The following HTR3E variants were observed in gnomAD, a reference collection of about 807,000 sequenced individuals.
The protein encoded by HTR3E is 5-hydroxytryptamine (serotonin) receptor 3, family member E.
In HTR3E, 38 loss-of-function variants were observed where a neutral mutation model predicts 38.0. The observed-to-expected ratio is 1.00, with a 90% CI of 0.77 to 1.31. The LOEUF is 1.31. HTR3E is among the 50% of genes most tolerant of loss of function. The pLI, the probability that HTR3E is intolerant of heterozygous loss-of-function variation, is 0.00. For missense variants in HTR3E, 547 were observed against 585.2 expected (o/e 0.93, Z 0.67); for synonymous variants, 210 against 232.9 (o/e 0.90, Z 0.89).
chr3:184,106,449 T>C lies in HTR3E; in HGVS notation c.1142-15T>C. On this transcript the variant is annotated splice_polypyrimidine_tract_variant and intron_variant, in intron 8 of 8. Coordinates refer to ENST00000415389, the MANE Select transcript of HTR3E (RefSeq NM_001256613.2). The surrounding 1 kb of genome is among the most constrained non-coding windows in gnomAD (Gnocchi z 4.1). ...GACATTTGCAGCCCATGGCTGAGTCTCTGTCTTTCTGTAGGTGTGAAGGAG... is the reference window on the plus strand; with the variant it reads ...GACATTTGCAGCCCATGGCTGAGTCCCTGTCTTTCTGTAGGTGTGAAGGAG... 1 of 1,569,430 alleles carries C rather than the reference T, an allele frequency of 6.4e-7. No individual in the cohort carries two copies. The highest frequency in any genetic ancestry group is 2.3e-5 in the East Asian group (1 of 43,990).
intron 1 of HTR3E, 33 bp downstream of exon 1, chr3:184,097,629 A>G (rs1355549202): frequency 1.3e-6 from 2 of 1,489,712 alleles, no homozygotes; most frequent in Non-Finnish European, 1.8e-6. Context: ...GGAAGGCGGA[A>G]GAAGGAGGAC....
intron 1 of HTR3E, chr3:184,100,180 A>G: frequency 7.0e-7 from 1 of 1,424,376 alleles, no homozygotes; most frequent in South Asian, 1.5e-5. Context: ...CTGGGTTCAG[A>G]ACAAGTCCGG....
chr3:184,106,655 T>A lies in HTR3E; in HGVS notation c.1333T>A (p.Ser445Thr). The A allele has an allele frequency of 6.2e-7, 1 of 1,614,152 alleles. No homozygotes were observed. Among genetic ancestry groups the A allele is most frequent in the Non-Finnish European group, 8.5e-7 (1 of 1,180,012 alleles). ...CCGCCTCTACCTGCTCTTCATGGCC[T>A]CCTCTATCATCACCGTCATATGCCT... ...LFRLYLLFMA[S>T]SIITVICLWN... The change falls in exon 9 of 9, where the codon TCC becomes ACC. Residue 445 changes from serine to threonine, a missense_variant. Transcript: ENST00000415389. This position sits in a 1 kb window ranked among gnomAD's most constrained non-coding sequence, Gnocchi z 4.1.
At chr3:184,099,503 A>G (rs1056067427) in intron 1 of HTR3E, among the ~76,000 whole-genome samples, 15 of 151,872 alleles carry the variant, frequency 9.9e-5, no homozygotes, top group Non-Finnish European at 1.8e-4. Context: ...TCATGAAGTC[A>G]GGAGATTGAG....
At chr3:184,100,714 T>G in intron 2 of HTR3E, 63 bp downstream of exon 2, 1 of 1,569,606 alleles carries the variant, frequency 6.4e-7, no homozygotes, top group Non-Finnish European at 8.6e-7. Flanking sequence ...CCTGGCAAAG[T>G]GGCCCCCCAA....
chr3:184,097,865 T>C (rs980225846), intron 1 of HTR3E, among the ~76,000 whole-genome samples: 6 of 152,222 alleles, frequency 3.9e-5, no homozygotes, highest in African/African-American at 1.4e-4. Context: ...CTTTCACATA[T>C]GGATATCCAG....
chr3:184,097,644 C>A, intron 1 of HTR3E, 48 bp downstream of exon 1: 1 of 1,413,330 alleles, frequency 7.1e-7, no homozygotes, highest in Non-Finnish European at 9.7e-7. Context: ...GAGGACCTCT[C>A]TCTAGTAGAA....
In HTR3E at chr3:184,105,762, C is replaced by T; in HGVS notation, c.721-3C>T. 1 of 1,612,198 alleles carries T rather than the reference C, an allele frequency of 6.2e-7. No homozygotes were observed. The highest frequency in any genetic ancestry group is 8.5e-7 in the Non-Finnish European group (1 of 1,178,284). ...TACTTACCACCCTCTCCTACCCCACCAGGTGGCCATCAGGCGCAGGCCCAG... is the reference window on the plus strand; with the variant it reads ...TACTTACCACCCTCTCCTACCCCACTAGGTGGCCATCAGGCGCAGGCCCAG... On this transcript the variant is annotated splice_region_variant and splice_polypyrimidine_tract_variant and intron_variant, in intron 6 of 8. Coordinates refer to ENST00000415389, the MANE Select transcript of HTR3E (RefSeq NM_001256613.2).
intron 3 of HTR3E, among the ~76,000 whole-genome samples, chr3:184,102,565 G>T (rs1712117590): frequency 1.3e-5 from 2 of 151,340 alleles, no homozygotes; most frequent in South Asian, 4.2e-4. Flanking sequence ...CACCAATATG[G>T]CACATGTATA....
intron 5 of HTR3E, 21 bp downstream of exon 5, chr3:184,104,977 A>G (rs1712333803): frequency 1.0e-5 from 16 of 1,599,734 alleles, no homozygotes; most frequent in Admixed American, 1.7e-5. Flanking sequence ...GTGAGGTCTC[A>G]GGGATGGGGT....
chr3:184,103,808 A>G (rs1712232688), intron 3 of HTR3E, among the ~76,000 whole-genome samples: 1 of 151,656 alleles, frequency 6.6e-6, no homozygotes, highest in South Asian at 2.1e-4. Flanking sequence ...GAAAAAAAAA[A>G]GAAAGAAAAA....
intron 3 of HTR3E, 57 bp from the exon 4 acceptor site, chr3:184,104,125 T>C (rs1560095823): frequency 8.8e-6 from 11 of 1,243,746 alleles, no homozygotes; most frequent in East Asian, 2.8e-5. Context: ...ATAACTTTTT[T>C]TTTTAAAGAA....
chr3:184,105,121 C>T, intron 5 of HTR3E, 146 bp from the exon 6 acceptor site: 1 of 1,165,898 alleles, frequency 8.6e-7, no homozygotes, highest in Non-Finnish European at 1.2e-6. Context: ...TGTCTTGTTC[C>T]TTACCATCCC....
Position 184,100,553 on chromosome 3 carries a change from A to G in HTR3E, c.136A>G (p.Asn46Asp). The G allele has an allele frequency of 1.2e-6, 2 of 1,614,124 alleles. No homozygotes were observed. Among genetic ancestry groups the G allele is most frequent in the Non-Finnish European group, 1.7e-6 (2 of 1,180,018 alleles). ...GQHGADPTAL[N>D]SVFNRKPFRP... ...GCACGGGGCGGATCCCACTGCTCTGAATTCAGTGTTTAATAGAAAGCCCTT... is the reference window on the plus strand; with the variant it reads ...GCACGGGGCGGATCCCACTGCTCTGGATTCAGTGTTTAATAGAAAGCCCTT... The change falls in exon 2 of 9, where the codon AAT becomes GAT. Residue 46 changes from asparagine to aspartate, a missense_variant. Coordinates refer to ENST00000415389, the MANE Select transcript of HTR3E (RefSeq NM_001256613.2).
At chr3:184,100,151 A>ACAG in intron 1 of HTR3E, 5 of 1,388,550 alleles carry the variant, frequency 3.6e-6, no homozygotes, top group Non-Finnish European at 3.7e-6. Flanking sequence ...GACGTATAGC[A>ACAG]CAGCAGCAGC....
rs373215721 is a variant in HTR3E at position 184,100,512 on chromosome 3, G to T, written c.95G>T (p.Cys32Phe). 1.2e-6 allele frequency: 2 copies of T among 1,614,000 alleles called. No homozygotes were observed. Among genetic ancestry groups the T allele is most frequent in the African/African-American group, 2.7e-5 (2 of 74,906 alleles). ...QGRGVTFTIN[C>F]SGFGQHGADP... ...AGGGGCGTTACTTTCACCATCAATT[G>T]CTCAGGGTTTGGCCAGCACGGGGCG... The change falls in exon 2 of 9, where the codon TGC becomes TTC. Residue 32 changes from cysteine (C) to phenylalanine (F), a missense_variant. Cys to Phe is a radical substitution (Grantham distance 205, BLOSUM62 -2). Transcript: ENST00000415389.
rs762962036 is a variant in HTR3E, at chr3:184,105,837, G to A, written c.793G>A (p.Asp265Asn). ...LVPSGFLVAI[D>N]ALSFYLPVKS... ...GCCCAGTGGCTTTCTGGTTGCCATCGATGCCCTCAGCTTCTACCTGCCAGT... is the reference window on the plus strand; with the variant it reads ...GCCCAGTGGCTTTCTGGTTGCCATCAATGCCCTCAGCTTCTACCTGCCAGT... The change falls in exon 7 of 9, where the codon GAT (aspartate) becomes AAT (asparagine). Residue 265 changes from aspartate to asparagine, a missense_variant. Asp to Asn is a conservative substitution (Grantham distance 23). Transcript: ENST00000415389. The A allele has an allele frequency of 4.3e-5, 69 of 1,613,986 alleles. No homozygotes were observed. Among genetic ancestry groups the A allele is most frequent in the Non-Finnish European group, 5.3e-5 (63 of 1,180,030 alleles).
chr3:184,103,578 A>G (rs1416990239), intron 3 of HTR3E, among the ~76,000 whole-genome samples: 2 of 149,930 alleles, frequency 1.3e-5, no homozygotes, highest in Non-Finnish European at 3.0e-5. Flanking sequence ...GCAGTGAGCC[A>G]AGATCGCGCC....
chr3:184,099,371 T>C (rs1011918910), intron 1 of HTR3E, among the ~76,000 whole-genome samples: 1 of 151,888 alleles, frequency 6.6e-6, no homozygotes, highest in Non-Finnish European at 1.5e-5. Flanking sequence ...GCCTGGGCAG[T>C]AGAGTGAGTC....
Sources: gnomAD v4.1 joint callset for allele counts (sites outside exome capture counted in the v4.1 genomes callset) on GRCh38, gnomAD v4.1.1 for gene constraint, Gnocchi (gnomAD v3.1) non-coding constraint, MANE v1.5 for transcripts, NCBI Gene and HGNC (gene_info 2026-07-23, HGNC 2026-07-21) for gene names.